Variants in REV3L observed in about 807,000 individuals in gnomAD.
REV3L encodes the protein DNA polymerase zeta catalytic subunit.
A neutral mutation model predicts 299.4 loss-of-function variants in REV3L; 69 were observed. The observed-to-expected ratio is 0.23, with a 90% confidence interval of 0.19 to 0.28. REV3L has a LOEUF of 0.28. Ranked by LOEUF, REV3L falls within the 10% of genes least tolerant of loss-of-function variation. The probability of loss-of-function intolerance (pLI) is 1.00; values close to 1 mark genes in which losing one functional copy is unlikely to be tolerated. For synonymous variants in REV3L, 1,238 were observed against 1,271.4 expected, an observed-to-expected ratio of 0.97 and a Z score of 0.56; for missense variants, 3,128 against 3,693.8, an observed-to-expected ratio of 0.85 and a Z score of 3.97.
Position 111,359,014 on chromosome 6 carries a change from T to C in REV3L, c.6880A>G (p.Ile2294Val), listed in dbSNP as rs1778374453. Residue 2294 changes from isoleucine to valine, a missense_variant and splice_region_variant, in exon 17 of 32, where the codon ATA (isoleucine) becomes GTA (valine). Ile to Val is a conservative substitution (Grantham distance 29). Transcript: ENST00000368802. ...NLQEAKALHE[I>V]QNLTLISVEL... ...ACACTGATTAGGGTAAGATTTTGTA[T>C]CTATAAAAGCAAATAAATACTATGT... 1 of 1,604,944 alleles carries C rather than the reference T, an allele frequency of 6.2e-7. No individual in the cohort carries two copies.
intron 1 of REV3L, among the ~76,000 whole-genome samples, chr6:111,425,244 G>A (rs1786032122): frequency 6.6e-6 from 1 of 152,112 alleles, no homozygotes; most frequent in African/African-American, 2.4e-5. Context: ...AGATTACGAG[G>A]TCAGGAGATC....
intron 16 of REV3L, among the ~76,000 whole-genome samples, chr6:111,359,461 G>A (rs1436708924): frequency 6.9e-6 from 1 of 145,836 alleles, no homozygotes; most frequent in African/African-American, 2.5e-5. Flanking sequence ...ACTACTTGAG[G>A]GCTACTTAAA....
chr6:111,450,010 T>C (rs1379033896), intron 1 of REV3L, among the ~76,000 whole-genome samples: 1 of 151,778 alleles, frequency 6.6e-6, no homozygotes, highest in Non-Finnish European at 1.5e-5. Context: ...ATGTGGACAA[T>C]AAACAAACAT....
At chr6:111,386,158 G>A (rs1418268426) in intron 9 of REV3L, among the ~76,000 whole-genome samples, 1 of 152,192 alleles carries the variant, frequency 6.6e-6, no homozygotes, top group African/African-American at 2.4e-5. Flanking sequence ...TCTTCTACAT[G>A]TGTTTGGTAG....
chr6:111,335,681 C>T, intron 21 of REV3L, 71 bp from the exon 22 acceptor site: 1 of 1,468,958 alleles, frequency 6.8e-7, no homozygotes, highest in East Asian at 2.4e-5. Flanking sequence ...ACTTTTTTTC[C>T]TGCCAAAAAT....
At chr6:111,351,591 C>A in intron 19 of REV3L, 85 bp downstream of exon 19, 1 of 1,001,306 alleles carries the variant, frequency 1.0e-6, no homozygotes, top group Non-Finnish European at 1.5e-6. Context: ...TGGGCTACAG[C>A]ATAAGTACTC....
chr6:111,413,287 G>A (rs1039349839), intron 2 of REV3L, among the ~76,000 whole-genome samples: 1 of 151,908 alleles, frequency 6.6e-6, no homozygotes. Context: ...GAGACTCTTT[G>A]GGGGAAAAAA....
chr6:111,367,484 C>G lies in REV3L; in HGVS notation c.6304G>C (p.Asp2102His). ...QMLPPVASAS[D>H]PEKDEDDDDN... ...TCATCATCTTCATCTTTTTCGGGAT[C>G]ACTTGCAGAGGCAACTGGTGGCAGC... The change falls in exon 14 of 32, where the codon GAT becomes CAT. Residue 2102 changes from aspartate (D) to histidine (H), a missense_variant. By Grantham distance (81) the Asp-to-His change is moderately conservative. Coordinates refer to ENST00000368802, the MANE Select transcript of REV3L (RefSeq NM_001372078.1). The G allele has an allele frequency of 6.2e-7, 1 of 1,608,050 alleles. No homozygotes were observed. The highest frequency in any genetic ancestry group is 2.2e-5 in the East Asian group (1 of 44,752).
At chr6:111,313,716 T>C (rs1358163646) in intron 27 of REV3L, among the ~76,000 whole-genome samples, 1 of 152,206 alleles carries the variant, frequency 6.6e-6, no homozygotes, top group Non-Finnish European at 1.5e-5. Flanking sequence ...GTTTTGTTTA[T>C]TTACTGAATA....
At position 111,299,862 on chromosome 6, in the gene REV3L, A is replaced by T; in HGVS notation, c.*154T>A. 8.0e-6 allele frequency: 5 copies of T among 621,208 alleles called. No homozygotes were observed. The South Asian group carries it at 1.4e-4, about 17-fold the overall frequency. 38.5% of individuals were successfully genotyped at this position (621,208 alleles called of 1,614,324 possible). On this transcript the variant is annotated 3_prime_UTR_variant, in exon 32 of 32. Transcript: ENST00000368802. ...GTGAGCTATTCAGAGATCAACAAGT[A>T]CATTTTAATTCGGTTAGCATAGAAG...
chr6:111,377,800 C>A lies in REV3L; in HGVS notation c.1498G>T (p.Asp500Tyr). ...NTHRSSTEDD[D>Y]SSSGEEMEWS... ...TCCATTTCTTCTCCTGAAGATGAGT[C>A]ATCATCTTCAGTTGAACTTCTGTGG... is the stretch of plus-strand genomic sequence containing the variant. Residue 500 changes from aspartate (D) to tyrosine (Y), a missense_variant, in exon 12 of 32, where the codon GAC (aspartate) becomes TAC (tyrosine). Coordinates refer to ENST00000368802, the MANE Select transcript of REV3L (RefSeq NM_001372078.1). 6.2e-7 allele frequency: 1 copy of A among 1,610,042 alleles called. No individual in the cohort carries two copies. The highest frequency in any genetic ancestry group is 1.1e-5 in the South Asian group (1 of 90,904).
intron 1 of REV3L, among the ~76,000 whole-genome samples, chr6:111,421,602 GGAATA>G (rs1198312480): frequency 2.0e-5 from 3 of 151,464 alleles, no homozygotes; most frequent in Non-Finnish European, 4.4e-5. Flanking sequence ...ATCATCATCT[GGAATA>G]GAAAAGTTTT....
At chr6:111,324,092 T>C (rs1162556173) in intron 25 of REV3L, among the ~76,000 whole-genome samples, 5 of 152,144 alleles carry the variant, frequency 3.3e-5, no homozygotes, top group Middle Eastern at 3.2e-3. Flanking sequence ...CTCTGCCTCC[T>C]GGGTTCAAGC....
intron 1 of REV3L, among the ~76,000 whole-genome samples, chr6:111,434,296 G>A (rs1362975373): frequency 1.3e-5 from 2 of 152,064 alleles, no homozygotes; most frequent in Non-Finnish European, 2.9e-5. Flanking sequence ...AAAAGCCTGA[G>A]GAACTCAACC....
chr6:111,437,740 G>T (rs1471668131), intron 1 of REV3L, among the ~76,000 whole-genome samples: 1 of 152,002 alleles, frequency 6.6e-6, no homozygotes, highest in Admixed American at 6.6e-5. Flanking sequence ...TTCTTTTTAG[G>T]GTGACAGTGT....
chr6:111,477,796 G>A (rs1180484933), intron 1 of REV3L, among the ~76,000 whole-genome samples: 1 of 152,186 alleles, frequency 6.6e-6, no homozygotes, highest in African/African-American at 2.4e-5. Context: ...ATTTTTAAAA[G>A]ATCCCTCTGA....
chr6:111,395,300 T>C (rs1193230291), intron 4 of REV3L, among the ~76,000 whole-genome samples: 1 of 152,200 alleles, frequency 6.6e-6, no homozygotes, highest in Non-Finnish European at 1.5e-5. Context: ...TATTGGAAAA[T>C]ATGGCCATTT....
chr6:111,378,727 T>C (rs191897740), intron 11 of REV3L, among the ~76,000 whole-genome samples: 5 of 152,306 alleles, frequency 3.3e-5, no homozygotes, highest in African/African-American at 1.2e-4. Context: ...TGATTCCTAT[T>C]TTGTTCTCTG....
At position 111,376,086 on chromosome 6, in the gene REV3L, C is replaced by G. The variant is rs747077009; in HGVS notation, c.2269G>C (p.Val757Leu). 1.2e-5 allele frequency: 20 copies of G among 1,613,476 alleles called. No individual in the cohort carries two copies. The highest frequency in any genetic ancestry group is 1.7e-5 in the Non-Finnish European group (20 of 1,179,824). Residue 757 changes from valine (V) to leucine (L), a missense_variant, in exon 13 of 32, where the codon GTG becomes CTG. Coordinates refer to ENST00000368802, the MANE Select transcript of REV3L (RefSeq NM_001372078.1). ...LSCSGENRTM[V>L]HSLNSTADES... is the part of the protein sequence containing the mutation. ...TCAGCAGTGCTATTAAGAGAATGCA[C>G]CATAGTTCTATTCTCCCCTGAGCAT...
Sources: gnomAD v4.1 joint callset for allele counts (sites outside exome capture counted in the v4.1 genomes callset) on GRCh38, gnomAD v4.1.1 for gene constraint, MANE v1.5 for transcripts, NCBI Gene and HGNC (gene_info 2026-07-23, HGNC 2026-07-21) for gene names.